KIAA1217: variants seen among roughly 807,000 people sequenced by gnomAD.
The protein encoded by KIAA1217 is KIAA1217.
A neutral mutation model predicts 163.9 loss-of-function variants in KIAA1217; 88 were observed. The ratio of observed to expected loss-of-function variants is 0.54; its 90% CI spans 0.45 to 0.64. The LOEUF (loss-of-function observed/expected upper bound fraction) is 0.64. KIAA1217 is among the 30% of genes least tolerant of loss of function. The probability of loss-of-function intolerance (pLI) is 0.00; values close to 1 mark genes in which losing one functional copy is unlikely to be tolerated. For synonymous variants in KIAA1217, 903 were observed against 923.1 expected (o/e 0.98, Z 0.39); for missense variants, 2,372 against 2,475.0 (o/e 0.96, Z 0.88).
At chr10:24,125,282 AAGTT>A (rs2063427059) in intron 2 of KIAA1217, among the ~76,000 whole-genome samples, 1 of 149,756 alleles carries the variant, frequency 6.7e-6, no homozygotes, top group Non-Finnish European at 1.5e-5. Context: ...AAAGAAAAGA[AAGTT>A]GGTTGGTAAA....
chr10:24,440,258 T>C (rs2060380566), intron 5 of KIAA1217, among the ~76,000 whole-genome samples: 1 of 152,248 alleles, frequency 6.6e-6, no homozygotes, highest in African/African-American at 2.4e-5. Flanking sequence ...GATTGAGTCA[T>C]GCCAATCGTG....
rs374592484 is a variant in KIAA1217, at chr10:24,481,054, A to G, written c.1679+6994A>G. 1.4e-4 allele frequency: 21 copies of G among 152,284 alleles called. 1 individual carries two copies. Among genetic ancestry groups the G allele is most frequent in the Admixed American group, 1.1e-3 (17 of 15,294 alleles). 9.4% of individuals were successfully genotyped at this position (152,284 alleles called of 1,614,324 possible). A position where few individuals can be genotyped will look rare whatever the true frequency, so the allele number is the denominator to read the frequency against. On this transcript the variant is annotated intron_variant, in intron 6 of 20. Coordinates refer to ENST00000376454, the MANE Select transcript of KIAA1217 (RefSeq NM_019590.5). ...TAGGTTATCTGTTTTGATGCCTAAT[A>G]GTGCTTGACTGATTCAGCTCTTGTC...
intron 2 of KIAA1217, among the ~76,000 whole-genome samples, chr10:24,035,172 A>G (rs1334179311): frequency 1.3e-5 from 2 of 152,156 alleles, no homozygotes; most frequent in Non-Finnish European, 2.9e-5. Context: ...TGGGCCTCTG[A>G]GAGTTTCAGT....
chr10:23,878,677 G>T (rs1037903662), intron 1 of KIAA1217, among the ~76,000 whole-genome samples: 1 of 151,922 alleles, frequency 6.6e-6, no homozygotes, highest in African/African-American at 2.4e-5. Flanking sequence ...ACAAAGCCTT[G>T]CTGAGTGGAT....
intron 1 of KIAA1217, among the ~76,000 whole-genome samples, chr10:24,006,197 CA>C (rs1207004042): frequency 6.6e-6 from 1 of 152,118 alleles, no homozygotes; most frequent in African/African-American, 2.4e-5. Flanking sequence ...ATGAGTATTT[CA>C]GGGTGAAAAC....
intron 2 of KIAA1217, among the ~76,000 whole-genome samples, chr10:24,351,149 T>C (rs1301323131): frequency 6.6e-6 from 1 of 152,174 alleles, no homozygotes; most frequent in Non-Finnish European, 1.5e-5. Context: ...GGTTTCCCCA[T>C]GTTGGACAGG....
intron 1 of KIAA1217, among the ~76,000 whole-genome samples, chr10:23,881,231 T>C (rs1840936496): frequency 1.3e-5 from 2 of 151,978 alleles, no homozygotes; most frequent in African/African-American, 4.8e-5. Context: ...TTTTTAACCA[T>C]TGAAATTAGT....
intron 1 of KIAA1217, among the ~76,000 whole-genome samples, chr10:23,987,221 CA>C (rs558662869): frequency 6.6e-6 from 1 of 151,700 alleles, no homozygotes; most frequent in Admixed American, 6.6e-5. Context: ...ACTAAAAATA[CA>C]AAAAATTAGC....
chr10:24,021,828 G>A (rs1323161605), intron 2 of KIAA1217, among the ~76,000 whole-genome samples: 4 of 151,604 alleles, frequency 2.6e-5, no homozygotes, highest in Non-Finnish European at 5.9e-5. Context: ...CTCTGACAAA[G>A]GAACAAGACA....
chr10:24,543,563 T>G lies in KIAA1217; in HGVS notation c.4293T>G (p.Asn1431Lys), dbSNP rs748373155. The change falls in exon 19 of 21, where the codon AAT becomes AAG. Residue 1431 changes from asparagine to lysine, a missense_variant. Transcript: ENST00000376454. ...CCCCCCGACAAGAAGGGACTGACAA[T>G]GAGGATCCAGTCGTGTGCCTGGACA... ...EMTPRQEGTD[N>K]EDPVVCLDKK... The G allele has an allele frequency of 7.4e-6, 12 of 1,613,912 alleles. No homozygotes were observed. The highest frequency in any genetic ancestry group is 1.0e-5 in the Non-Finnish European group (12 of 1,179,972).
intron 1 of KIAA1217, among the ~76,000 whole-genome samples, chr10:23,860,064 T>G (rs1471366675): frequency 6.6e-6 from 1 of 152,156 alleles, no homozygotes; most frequent in Admixed American, 6.6e-5. Context: ...GGAATATTGA[T>G]GTGCCCAAGC....
chr10:24,188,031 C>G (rs1458814873), intron 2 of KIAA1217, among the ~76,000 whole-genome samples: 2 of 151,886 alleles, frequency 1.3e-5, no homozygotes, highest in Non-Finnish European at 2.9e-5. Flanking sequence ...AACTTCATCT[C>G]TACAAAAAAT....
intron 2 of KIAA1217, among the ~76,000 whole-genome samples, chr10:24,342,748 T>A (rs2047256211): frequency 7.0e-6 from 1 of 142,472 alleles, no homozygotes; most frequent in Non-Finnish European, 1.5e-5. Flanking sequence ...AACCTCCGCC[T>A]CCCAGGTTCA....
chr10:24,237,341 T>C (rs1447983719), intron 2 of KIAA1217, among the ~76,000 whole-genome samples: 1 of 152,224 alleles, frequency 6.6e-6, no homozygotes, highest in Non-Finnish European at 1.5e-5. Flanking sequence ...ATAATGTCAA[T>C]GCTGGTTACA....
chr10:24,044,655 T>C (rs1430299937), intron 2 of KIAA1217, among the ~76,000 whole-genome samples: 1 of 152,138 alleles, frequency 6.6e-6, no homozygotes, highest in Non-Finnish European at 1.5e-5. Flanking sequence ...ATAATAGTTA[T>C]GCTTGGTTAT....
chr10:23,847,037 T>G (rs1025659131), intron 1 of KIAA1217, among the ~76,000 whole-genome samples: 2 of 152,170 alleles, frequency 1.3e-5, no homozygotes, highest in African/African-American at 4.8e-5. Flanking sequence ...TGGATTCCAT[T>G]TATTGATTTG....
At chr10:23,798,305 T>C (rs1372677785) in intron 1 of KIAA1217, among the ~76,000 whole-genome samples, 1 of 152,038 alleles carries the variant, frequency 6.6e-6, no homozygotes, top group African/African-American at 2.4e-5. Context: ...TTAAATCTTC[T>C]TCAAGCTGCA....
At chr10:23,927,996 C>T (rs1039426501) in intron 1 of KIAA1217, among the ~76,000 whole-genome samples, 4 of 152,202 alleles carry the variant, frequency 2.6e-5, no homozygotes, top group African/African-American at 9.6e-5. Flanking sequence ...GTAACTCGTC[C>T]ACCCAGCAGA....
intron 1 of KIAA1217, among the ~76,000 whole-genome samples, chr10:23,915,673 G>T (rs941098773): frequency 2.0e-5 from 3 of 152,122 alleles, no homozygotes; most frequent in African/African-American, 7.2e-5. Context: ...CCAAAACAAA[G>T]GGTTTACTTT....
Sources: gnomAD v4.1 joint callset for allele counts (sites outside exome capture counted in the v4.1 genomes callset) on GRCh38, gnomAD v4.1.1 for gene constraint, MANE v1.5 for transcripts, NCBI Gene and HGNC (gene_info 2026-07-23, HGNC 2026-07-21) for gene names.